GRHL2: variants seen among roughly 807,000 people sequenced by gnomAD.
GRHL2 encodes the protein grainyhead like transcription factor 2.
GRHL2 carries 21 observed loss-of-function variants against 83.8 expected under a neutral mutation model. The observed-to-expected ratio is 0.25, with a 90% CI of 0.18 to 0.36. The LOEUF is 0.36. Among genes scored for constraint, GRHL2 ranks in the 10% least tolerant of loss-of-function variants. The pLI is 1.00. For synonymous variants in GRHL2, 280 were observed against 278.9 expected (o/e 1.00, Z -0.04); for missense variants, 623 against 781.8 (o/e 0.80, Z 2.42).
chr8:101,594,475 A>G (rs1306093933), intron 7 of GRHL2, among the ~76,000 whole-genome samples: 1 of 152,090 alleles, frequency 6.6e-6, no homozygotes, highest in Non-Finnish European at 1.5e-5. Context: ...TACAACACTC[A>G]CCCAAGGACA....
intron 1 of GRHL2, among the ~76,000 whole-genome samples, chr8:101,535,715 T>A (rs961511417): frequency 2.6e-5 from 4 of 152,084 alleles, no homozygotes; most frequent in Non-Finnish European, 4.4e-5. Context: ...ATTTTTTGTA[T>A]TTTTAGTAGA....
chr8:101,670,279 T>TTAAC (rs558089110), downstream of GRHL2, among the ~76,000 whole-genome samples: 3 of 152,320 alleles, frequency 2.0e-5, no homozygotes, highest in South Asian at 6.2e-4. Context: ...CCACACTCCT[T>TTAAC]TAACTGCTGT....
intron 14 of GRHL2, among the ~76,000 whole-genome samples, chr8:101,650,096 C>T (rs866063608): frequency 6.6e-6 from 1 of 152,204 alleles, no homozygotes; most frequent in African/African-American, 2.4e-5. Context: ...ACTGCTCCCC[C>T]ACTGGACCAC....
At chr8:101,633,383 T>G (rs1813225921) in intron 11 of GRHL2, among the ~76,000 whole-genome samples, 1 of 152,224 alleles carries the variant, frequency 6.6e-6, no homozygotes, top group East Asian at 1.9e-4. Context: ...CTGACACATT[T>G]AAGTTTTTCT....
chr8:101,543,613 A>G (rs1811200517), intron 2 of GRHL2, 177 bp downstream of exon 2: 1 of 681,450 alleles, frequency 1.5e-6, no homozygotes, highest in Non-Finnish European at 2.7e-6. Context: ...TACAAAGCTC[A>G]ACTTTATCAC....
rs1477492682 is a variant in GRHL2 at position 101,667,073 on chromosome 8, T to TA, written c.*376dup. 1 of 326,786 alleles carries TA rather than the reference T, an allele frequency of 3.1e-6. No individual in the cohort carries two copies. Among genetic ancestry groups the TA allele is most frequent in the Non-Finnish European group, 5.9e-6 (1 of 170,174 alleles). 20.2% of individuals were successfully genotyped at this position (326,786 alleles called of 1,614,324 possible). A position where few individuals can be genotyped will look rare whatever the true frequency, so the allele number is the denominator to read the frequency against. ...AGAGAAACACTCATCCCGAACAGCC[T>TA]AAAAAATTCCCATCCCTTCTCTCTC... On this transcript the variant is annotated 3_prime_UTR_variant, in exon 16 of 16. Coordinates refer to ENST00000646743, the MANE Select transcript of GRHL2 (RefSeq NM_024915.4).
At chr8:101,653,742 A>AAAAAAC (rs1260207236) in intron 14 of GRHL2, among the ~76,000 whole-genome samples, 5 of 123,036 alleles carry the variant, frequency 4.1e-5, no homozygotes, top group Admixed American at 3.1e-4. Context: ...TGTCTCAAAA[A>AAAAAAC]AAAAACAAAA....
intron 1 of GRHL2, among the ~76,000 whole-genome samples, chr8:101,515,038 C>T (rs1810542570): frequency 6.8e-6 from 1 of 148,030 alleles, no homozygotes; most frequent in Admixed American, 6.9e-5. Flanking sequence ...TCCTTCCTTC[C>T]TTCCATCCTT....
intron 2 of GRHL2, among the ~76,000 whole-genome samples, chr8:101,549,685 ATC>A (rs1811339382): frequency 1.3e-5 from 2 of 152,132 alleles, no homozygotes. Flanking sequence ...GCCTTTGCTC[ATC>A]TCTGAGGCCA....
chr8:101,637,682 A>G lies in GRHL2; in HGVS notation c.1517+754A>G, dbSNP rs146067163. On this transcript the variant is annotated intron_variant, in intron 12 of 15. Coordinates refer to ENST00000646743, the MANE Select transcript of GRHL2 (RefSeq NM_024915.4). ...TTTGACAAGCAGTCAGCCATTTTCT[A>G]CATGAAAATTCCCAGTGATGGAGAG... Among the ~76,000 whole-genome samples the G allele has an allele frequency of 1.1e-3, 175 of 152,314 alleles. 1 individual carries two copies. Among genetic ancestry groups the G allele is most frequent in the Admixed American group, 3.5e-3 (54 of 15,302 alleles).
chr8:101,504,534 G>A (rs1446456939), intron 1 of GRHL2, among the ~76,000 whole-genome samples: 2 of 152,154 alleles, frequency 1.3e-5, no homozygotes, highest in African/African-American at 4.8e-5. Flanking sequence ...ATGTTCATGG[G>A]AGAGACTTGG....
chr8:101,666,529 G>A, intron 15 of GRHL2, 60 bp from the exon 16 acceptor site: 1 of 983,446 alleles, frequency 1.0e-6, no homozygotes. Flanking sequence ...AGCTCCCCTT[G>A]CCCTGGGCAC....
At chr8:101,533,837 C>G (rs1452559870) in intron 1 of GRHL2, among the ~76,000 whole-genome samples, 1 of 152,006 alleles carries the variant, frequency 6.6e-6, no homozygotes, top group Non-Finnish European at 1.5e-5. Flanking sequence ...TAAGGTGGGA[C>G]CAGTGCAGCA....
chr8:101,610,766 T>C (rs1478673130), intron 8 of GRHL2, among the ~76,000 whole-genome samples: 2 of 150,964 alleles, frequency 1.3e-5, no homozygotes, highest in Non-Finnish European at 2.9e-5. Flanking sequence ...GATGTTTTTT[T>C]CTGTCTTTGC....
intron 9 of GRHL2, among the ~76,000 whole-genome samples, chr8:101,619,920 CT>C (rs1217759222): frequency 6.9e-6 from 1 of 144,268 alleles, no homozygotes; most frequent in Non-Finnish European, 1.5e-5. Flanking sequence ...ATTTTTATCA[CT>C]AATTTAATGA....
At chr8:101,664,611 T>G in intron 15 of GRHL2, 93 bp downstream of exon 15, 2 of 883,572 alleles carry the variant, frequency 2.3e-6, no homozygotes, top group Non-Finnish European at 3.7e-6. Context: ...TTGTTAGGTC[T>G]GTTGCCCACT....
intron 1 of GRHL2, among the ~76,000 whole-genome samples, chr8:101,542,221 G>A (rs978970844): frequency 1.3e-5 from 2 of 152,076 alleles, no homozygotes; most frequent in African/African-American, 4.8e-5. Flanking sequence ...TTTATAATGA[G>A]AACTCAGAGA....
chr8:101,677,428 C>G, the GRHL2 span, among the ~76,000 whole-genome samples: 3 of 151,890 alleles, frequency 2.0e-5, no homozygotes, highest in Admixed American at 6.6e-5. Flanking sequence ...TCTCCACCCC[C>G]ACGCCTACCT....
rs192516686 is a variant in GRHL2 at position 101,576,360 on chromosome 8, G to A, written c.892-1048G>A. On this transcript the variant is annotated intron_variant, in intron 6 of 15. Transcript: ENST00000646743. The stretch of plus-strand genomic sequence containing the variant: ...CTTCCAAGTAGCTGGGACTTCAGAC[G>A]TGCACCACCATGCCTGGCTTTTTAT... 2.6e-4 allele frequency among the ~76,000 whole-genome samples: 40 copies of A among 152,160 alleles called. 1 individual carries two copies. Among genetic ancestry groups the A allele is most frequent in the African/African-American group, 6.3e-4 (26 of 41,502 alleles).
Sources: gnomAD v4.1 joint callset for allele counts (sites outside exome capture counted in the v4.1 genomes callset) on GRCh38, gnomAD v4.1.1 for gene constraint, MANE v1.5 for transcripts, NCBI Gene and HGNC (gene_info 2026-07-23, HGNC 2026-07-21) for gene names.